ELMO2: variants seen among roughly 807,000 people sequenced by gnomAD.
ELMO2 encodes the protein engulfment and cell motility protein 2.
In ELMO2, 37 loss-of-function variants were observed where a neutral mutation model predicts 96.2. The ratio of observed to expected loss-of-function variants is 0.38; its 90% CI spans 0.30 to 0.51. The LOEUF is 0.51. Ranked by LOEUF, ELMO2 falls within the 20% of genes least tolerant of loss-of-function variation. ELMO2 has a pLI of 0.88. For synonymous variants in ELMO2, 315 were observed against 329.4 expected (o/e 0.96, Z 0.47); for missense variants, 561 against 912.6 (o/e 0.61, Z 4.96).
intron 16 of ELMO2, 87 bp downstream of exon 16, chr20:46,373,312 G>T (rs2059769456): frequency 1.3e-6 from 2 of 1,565,152 alleles, no homozygotes; most frequent in Admixed American, 1.7e-5. Context: ...TTCCAGCTCA[G>T]GGATTCTCCA....
chr20:46,367,599 C>A (rs1600810574), intron 21 of ELMO2, 39 bp from the exon 22 acceptor site: 7 of 1,535,060 alleles, frequency 4.6e-6, no homozygotes, highest in Non-Finnish European at 6.2e-6. Context: ...ATCGTGACCC[C>A]TGGTCAGCAG....
chr20:46,387,468 G>A lies in ELMO2; in HGVS notation c.426-31C>T, dbSNP rs1329657805. ...ACACGTGCAACACACACACAAAATAGACAAAGATTCAGATCGGGAAACACA... is the reference window on the plus strand; with the variant it reads ...ACACGTGCAACACACACACAAAATAAACAAAGATTCAGATCGGGAAACACA... On this transcript the variant is annotated intron_variant, in intron 7 of 21. Transcript: ENST00000290246. The A allele has an allele frequency of 4.4e-6, 7 of 1,575,774 alleles. 1 individual carries two copies. In the East Asian group the frequency reaches 1.6e-4, roughly 35 times the overall value.
At chr20:46,405,075 C>T (rs2060404671) in intron 1 of ELMO2, among the ~76,000 whole-genome samples, 1 of 152,166 alleles carries the variant, frequency 6.6e-6, no homozygotes, top group African/African-American at 2.4e-5. Context: ...TATTGCCTGG[C>T]CCTGTGTGAG....
intron 9 of ELMO2, among the ~76,000 whole-genome samples, chr20:46,384,398 A>G (rs2060006684): frequency 6.6e-6 from 1 of 152,134 alleles, no homozygotes; most frequent in Non-Finnish European, 1.5e-5. Context: ...GTACCCAGGG[A>G]GTCTAACAGA....
intron 16 of ELMO2, among the ~76,000 whole-genome samples, chr20:46,372,367 C>T (rs1055780714): frequency 1.8e-4 from 28 of 152,146 alleles, no homozygotes; most frequent in African/African-American, 6.5e-4. Flanking sequence ...AGATACCAGC[C>T]GGTTGCAGTA....
chr20:46,390,367 T>C (rs74549098), intron 6 of ELMO2, among the ~76,000 whole-genome samples: 2,566 of 152,300 alleles, frequency 0.017, 31 homozygotes, highest in Non-Finnish European at 0.024. Flanking sequence ...GTGAAAAGCC[T>C]GGCAATTTTT....
At chr20:46,404,341 T>G (rs896168270) in intron 1 of ELMO2, among the ~76,000 whole-genome samples, 3 of 152,194 alleles carry the variant, frequency 2.0e-5, no homozygotes, top group Non-Finnish European at 4.4e-5. Flanking sequence ...CAGAACAAGC[T>G]AGAATATGCT....
chr20:46,369,964 GTGTGTGTGTGTGTGTGTGTGTGTGT>G (rs1568745150), intron 20 of ELMO2: 1 of 5,424 alleles, frequency 1.8e-4, no homozygotes, highest in African/African-American at 2.1e-4. Context: ...GTATGGGGGT[GTGTGTGTGTGTGTGTGTGTGTGTGT>G]GTGTGTGTGT....
intron 21 of ELMO2, 141 bp from the exon 22 acceptor site, chr20:46,367,701 A>G (rs1219625456): frequency 1.9e-6 from 1 of 523,356 alleles, no homozygotes; most frequent in African/African-American, 2.0e-5. Flanking sequence ...GAATGATAGC[A>G]AAGATAAATT....
At chr20:46,384,033 A>G (rs1600852056) in intron 9 of ELMO2, among the ~76,000 whole-genome samples, 1 of 152,210 alleles carries the variant, frequency 6.6e-6, no homozygotes, top group African/African-American at 2.4e-5. Context: ...AATCTTTGAC[A>G]TGGAGAAATG....
At chr20:46,383,598 A>G (rs1171278507) in intron 9 of ELMO2, 104 bp from the exon 10 acceptor site, 1 of 1,121,406 alleles carries the variant, frequency 8.9e-7, no homozygotes, top group African/African-American at 1.5e-5. Flanking sequence ...TAAGCAAATA[A>G]TGATCTGGAG....
intron 10 of ELMO2, chr20:46,382,313 C>G (rs2059971333): frequency 7.9e-7 from 1 of 1,273,100 alleles, no homozygotes; most frequent in South Asian, 1.2e-5. Flanking sequence ...AAACAAGGAC[C>G]GGGAAGGCAG....
chr20:46,389,945 G>A (rs2060122100), intron 6 of ELMO2, among the ~76,000 whole-genome samples: 2 of 152,182 alleles, frequency 1.3e-5, no homozygotes, highest in Admixed American at 6.5e-5. Context: ...ACGAGGTCAG[G>A]AGTTCGAGAC....
At position 46,379,392 on chromosome 20, in the gene ELMO2, CAG is replaced by C; in HGVS notation, c.807+859_807+860del. Among the ~76,000 whole-genome samples, 2 of 152,290 alleles carry C rather than the reference CAG, an allele frequency of 1.3e-5. 1 individual carries two copies. The highest frequency in any genetic ancestry group is 2.9e-5 in the Non-Finnish European group (2 of 68,022). ...CCCTACTCCACCCCACAGGTGGTAA[CAG>C]GGATTTATACCTCTTTCCAGATCCC... On this transcript the variant is annotated intron_variant, in intron 11 of 21. Coordinates refer to ENST00000290246, the MANE Select transcript of ELMO2 (RefSeq NM_133171.5).
At chr20:46,393,690 G>T in intron 4 of ELMO2, 89 bp from the exon 5 acceptor site, 3 of 1,405,544 alleles carry the variant, frequency 2.1e-6, no homozygotes, top group Non-Finnish European at 3.0e-6. Flanking sequence ...TTGCTCAAGG[G>T]ATTGGGTGGC....
chr20:46,392,385 T>C (rs1472750225), intron 6 of ELMO2, among the ~76,000 whole-genome samples: 1 of 152,206 alleles, frequency 6.6e-6, no homozygotes, highest in Non-Finnish European at 1.5e-5. Flanking sequence ...TCATCTCCAT[T>C]ACCACTTGCC....
intron 11 of ELMO2, chr20:46,376,861 A>G: frequency 8.3e-7 from 1 of 1,211,554 alleles, no homozygotes; most frequent in Non-Finnish European, 1.1e-6. Context: ...ATATGCAGCT[A>G]TTTGCATTTA....
chr20:46,376,495 C>T (rs557985887), intron 11 of ELMO2, among the ~76,000 whole-genome samples: 1 of 152,136 alleles, frequency 6.6e-6, no homozygotes, highest in East Asian at 1.9e-4. Context: ...CTCCTTTGTC[C>T]CTCTGATGCC....
chr20:46,405,029 T>C (rs1443986057), intron 1 of ELMO2, among the ~76,000 whole-genome samples: 1 of 152,210 alleles, frequency 6.6e-6, no homozygotes, highest in Non-Finnish European at 1.5e-5. Context: ...TCTTGCCAAA[T>C]TCAAACCCTG....
Sources: allele counts gnomAD v4.1 joint callset (sites outside exome capture counted in the v4.1 genomes callset), GRCh38; gene constraint gnomAD v4.1.1; transcripts MANE v1.5; gene names NCBI Gene and HGNC (gene_info 2026-07-23, HGNC 2026-07-21).